The following SHC2 variants were observed in gnomAD, a reference collection of about 807,000 sequenced individuals.
SHC2 encodes SHC-transforming protein 2.
SHC2 carries 62 observed loss-of-function variants against 60.6 expected under a neutral mutation model. The observed-to-expected ratio is 1.02, with a 90% CI of 0.83 to 1.26. The LOEUF (loss-of-function observed/expected upper bound fraction) is 1.26. Among genes scored for constraint, SHC2 ranks in the 50% most tolerant of loss-of-function variants. SHC2 has a pLI of 0.00. For synonymous variants in SHC2, 375 were observed against 372.4 expected (o/e 1.01, Z -0.08); for missense variants, 873 against 822.2 (o/e 1.06, Z -0.76).
chr19:459,590 C>G (rs1288600233), intron 1 of SHC2, among the ~76,000 whole-genome samples: 1 of 147,906 alleles, frequency 6.8e-6, no homozygotes, highest in Middle Eastern at 3.4e-3. Context: ...CTGAACTCAG[C>G]GTAGGGGGAA....
intron 9 of SHC2, among the ~76,000 whole-genome samples, chr19:428,741 C>A (rs999634323): frequency 6.6e-6 from 1 of 152,146 alleles, no homozygotes; most frequent in Non-Finnish European, 1.5e-5. Flanking sequence ...ACCATGTGGA[C>A]GAATGCAGTA....
Position 422,357 on chromosome 19 carries a change from G to T in SHC2, c.1409C>A (p.Thr470Asn). 6.2e-7 allele frequency: 1 copy of T among 1,606,190 alleles called. No homozygotes were observed. The highest frequency in any genetic ancestry group is 8.5e-7 in the Non-Finnish European group (1 of 1,177,064). Residue 470 changes from threonine to asparagine, a missense_variant, in exon 11 of 13, where the codon ACC becomes AAC. Transcript: ENST00000264554. The surrounding 1 kb of genome is among the most constrained non-coding windows in gnomAD (Gnocchi z 5.0). ...PLEDQWPSPPTRRAPVAPTEE... is the reference protein window; with the variant it reads ...PLEDQWPSPPNRRAPVAPTEE... The stretch of plus-strand genomic sequence containing the variant: ...CGTGGGGGCCACAGGGGCCCGGCGG[G>T]TAGGGGGGCTGGGCCACTGGTCCTC...
chr19:431,594 C>G (rs1278891985), intron 8 of SHC2, among the ~76,000 whole-genome samples: 9 of 40,676 alleles, frequency 2.2e-4, no homozygotes, highest in Admixed American at 1.3e-3. Context: ...TAGAGGAGGC[C>G]GGGCAGATAG....
chr19:452,251 C>T (rs112246305), intron 1 of SHC2, among the ~76,000 whole-genome samples: 11 of 121,448 alleles, frequency 9.1e-5, no homozygotes, highest in Admixed American at 7.6e-4. Context: ...GGAGTTCCTG[C>T]GTAGGTGTGC....
chr19:429,941 C>T (rs944681214), intron 9 of SHC2, among the ~76,000 whole-genome samples: 1 of 142,638 alleles, frequency 7.0e-6, no homozygotes, highest in African/African-American at 2.7e-5. Flanking sequence ...CTACACCCAA[C>T]GTGCACAGAA....
At position 424,029 on chromosome 19, in the gene SHC2, C is replaced by A. The variant is rs1010951883; in HGVS notation, c.1309+1068G>T. On this transcript the variant is annotated intron_variant, in intron 10 of 12. Coordinates refer to ENST00000264554, the MANE Select transcript of SHC2 (RefSeq NM_012435.3). The surrounding 1 kb of genome is among the most constrained non-coding windows in gnomAD (Gnocchi z 4.5). Reference sequence around the variant, plus strand: ...GCTAGATGGTGTCATTATTGTGAAGCTGAGGAGAAGCTGCTTTGTCAGGTG... The same window carrying A: ...GCTAGATGGTGTCATTATTGTGAAGATGAGGAGAAGCTGCTTTGTCAGGTG... Among the ~76,000 whole-genome samples, 1 of 152,158 alleles carries A rather than the reference C, an allele frequency of 6.6e-6. No individual in the cohort carries two copies. Among genetic ancestry groups the A allele is most frequent in the Non-Finnish European group, 1.5e-5 (1 of 68,036 alleles).
At chr19:431,652 G>A (rs11671731) in intron 8 of SHC2, among the ~76,000 whole-genome samples, 1 of 13,050 alleles carries the variant, frequency 7.7e-5, no homozygotes, top group Non-Finnish European at 1.1e-4. Context: ...TAGAGGAGGC[G>A]GGGCAGATAG....
At chr19:418,587 G>GTGAACC (rs1974203559) in intron 12 of SHC2, among the ~76,000 whole-genome samples, 1 of 152,232 alleles carries the variant, frequency 6.6e-6, no homozygotes, top group South Asian at 2.1e-4. Flanking sequence ...GTCACGCTCA[G>GTGAACC]TGAGAGACGC....
At position 445,488 on chromosome 19, in the gene SHC2, C is replaced by A. The variant is rs1319434562; in HGVS notation, c.469-4556G>T. Among the ~76,000 whole-genome samples the A allele has an allele frequency of 3.3e-5, 5 of 152,326 alleles. No homozygotes were observed. Among genetic ancestry groups the A allele is most frequent in the Admixed American group, 2.0e-4 (3 of 15,296 alleles). On this transcript the variant is annotated intron_variant, in intron 1 of 12. Coordinates refer to ENST00000264554, the MANE Select transcript of SHC2 (RefSeq NM_012435.3). This position sits in a 1 kb window ranked among gnomAD's most constrained non-coding sequence, Gnocchi z 4.4. ...GCAGCTCATGCCTGTAATCGCAGCACTTCAGGAGACCTAGGTGGGAGGCTG... is the reference window on the plus strand; with the variant it reads ...GCAGCTCATGCCTGTAATCGCAGCAATTCAGGAGACCTAGGTGGGAGGCTG...
In SHC2 at chr19:460,960, G is replaced by A. The variant is rs1975538994; in HGVS notation, c.37C>T (p.Pro13Ser). The A allele has an allele frequency of 1.0e-6, 1 of 984,462 alleles. No individual in the cohort carries two copies. The highest frequency in any genetic ancestry group is 1.2e-6 in the Non-Finnish European group (1 of 829,474). The allele number at this position is 984,462 out of a possible 1,614,324, so 61.0% of individuals were successfully genotyped here. A position where few individuals can be genotyped will look rare whatever the true frequency, so the allele number is the denominator to read the frequency against. Reference sequence around the variant, plus strand: ...GCCTCGGGCTCGGGGGGCGCGGGGGGCGCCGGGGGCGCGCGCCCGCCCGGA... The same window carrying A: ...GCCTCGGGCTCGGGGGGCGCGGGGGACGCCGGGGGCGCGCGCCCGCCCGGA... ...QGPGGRAPPA[P>S]PAPPEPEAPT... The change falls in exon 1 of 13, where the codon CCC (proline) becomes TCC (serine). Residue 13 changes from proline to serine, a missense_variant. Coordinates refer to ENST00000264554, the MANE Select transcript of SHC2 (RefSeq NM_012435.3).
At chr19:458,758 G>T (rs540335818) in intron 1 of SHC2, among the ~76,000 whole-genome samples, 106 of 145,750 alleles carry the variant, frequency 7.3e-4, no homozygotes, top group Non-Finnish European at 1.4e-3. Flanking sequence ...AGCGGGTCCC[G>T]GGGAGGCGGA....
At chr19:419,236 T>C (rs1195371541) in intron 11 of SHC2, 180 bp from the exon 12 acceptor site, 10 of 670,348 alleles carry the variant, frequency 1.5e-5, no homozygotes, top group Non-Finnish European at 2.1e-5. Context: ...GAACCACCCA[T>C]GGGCACGGGC....
In SHC2 at chr19:460,342, G is replaced by A. The variant is rs1427397129; in HGVS notation, c.468+187C>T. Among the ~76,000 whole-genome samples, 6 of 151,980 alleles carry A rather than the reference G, an allele frequency of 3.9e-5. No individual in the cohort carries two copies. The East Asian group carries it at 1.2e-3, about 29-fold the overall frequency. Reference sequence around the variant, plus strand: ...TCCCCACGTGACGCCGTGGGAACCCGGACCCCAGCGCCTCCGGGTGGGGGC... The same window carrying A: ...TCCCCACGTGACGCCGTGGGAACCCAGACCCCAGCGCCTCCGGGTGGGGGC... On this transcript the variant is annotated intron_variant, in intron 1 of 12. Transcript: ENST00000264554.
chr19:434,240 C>A (rs76543925), intron 8 of SHC2, among the ~76,000 whole-genome samples: 1 of 3,224 alleles, frequency 3.1e-4, no homozygotes, highest in African/African-American at 1.6e-3. Context: ...GAGTGAGATC[C>A]TGAGTGAGAT....
intron 8 of SHC2, 54 bp downstream of exon 8, chr19:434,655 G>C: frequency 7.0e-7 from 1 of 1,437,960 alleles, no homozygotes; most frequent in Non-Finnish European, 9.1e-7. Flanking sequence ...GTAGGTCCAG[G>C]GAACCAGCAG....
In SHC2 at chr19:438,286, G is replaced by A. The variant is rs951750700; in HGVS notation, c.720+432C>T. On this transcript the variant is annotated intron_variant, in intron 4 of 12. Transcript: ENST00000264554. The surrounding 1 kb of genome is among the most constrained non-coding windows in gnomAD (Gnocchi z 5.0). Reference sequence around the variant, plus strand: ...GAGCCACTGAGCCCGGCCTCACAGTGCTGGGGTTACAGGCGTGAGCAACCA... The same window carrying A: ...GAGCCACTGAGCCCGGCCTCACAGTACTGGGGTTACAGGCGTGAGCAACCA... Among the ~76,000 whole-genome samples the A allele has an allele frequency of 1.3e-5, 2 of 152,236 alleles. No individual in the cohort carries two copies. Among genetic ancestry groups the A allele is most frequent in the Non-Finnish European group, 2.9e-5 (2 of 68,022 alleles).
At chr19:452,227 G>A (rs1052081237) in intron 1 of SHC2, among the ~76,000 whole-genome samples, 5 of 143,938 alleles carry the variant, frequency 3.5e-5, no homozygotes, top group Admixed American at 6.9e-5. Context: ...TTGGGGCATC[G>A]TACTGACTTG....
At chr19:431,150 C>T (rs994082189) in intron 8 of SHC2, among the ~76,000 whole-genome samples, 1 of 152,292 alleles carries the variant, frequency 6.6e-6, no homozygotes, top group African/African-American at 2.4e-5. Context: ...CACTGCCTCT[C>T]TGGTGGACTT....
At chr19:442,487 GTGGA>G (rs1179950736) in intron 1 of SHC2, among the ~76,000 whole-genome samples, 14 of 102,538 alleles carry the variant, frequency 1.4e-4, no homozygotes, top group African/African-American at 3.4e-4. Flanking sequence ...GGGTGGATGG[GTGGA>G]TGGATGGATG....
Sources: allele counts gnomAD v4.1 joint callset (sites outside exome capture counted in the v4.1 genomes callset), GRCh38; gene constraint gnomAD v4.1.1; non-coding constraint Gnocchi (gnomAD v3.1); transcripts MANE v1.5; gene names NCBI Gene and HGNC (gene_info 2026-07-23, HGNC 2026-07-21).